CHST11: variants seen among roughly 807,000 people sequenced by gnomAD.
CHST11 encodes the protein C4S-1.
In CHST11, 9 loss-of-function variants were observed where a neutral mutation model predicts 30.4. The observed-to-expected ratio is 0.30, with a 90% CI of 0.18 to 0.52. CHST11 has a LOEUF of 0.52. Among genes scored for constraint, CHST11 ranks in the 20% least tolerant of loss-of-function variants. CHST11 has a pLI of 0.97. For synonymous variants in CHST11, 152 were observed against 187.8 expected (o/e 0.81, Z 1.56); for missense variants, 348 against 460.6 (o/e 0.76, Z 2.24).
Position 104,464,754 on chromosome 12 carries a change from C to G in CHST11, c.118+7225C>G, listed in dbSNP as rs1455826597. On this transcript the variant is annotated intron_variant, in intron 1 of 2. Transcript: ENST00000303694. Reference sequence around the variant, plus strand: ...TTGACTGAGCTTGTAGTGGGAAATTCGTAATATCTTCAGGGTGCAATCGGT... The same window carrying G: ...TTGACTGAGCTTGTAGTGGGAAATTGGTAATATCTTCAGGGTGCAATCGGT... Among the ~76,000 whole-genome samples, 3 of 152,058 alleles carry G rather than the reference C, an allele frequency of 2.0e-5. No individual in the cohort carries two copies. The East Asian group carries it at 5.8e-4, about 29-fold the overall frequency.
chr12:104,480,577 C>CAAAAA (rs58063092), intron 1 of CHST11, among the ~76,000 whole-genome samples: 1 of 112,662 alleles, frequency 8.9e-6, no homozygotes, highest in African/African-American at 3.4e-5. Context: ...GATTCCATCT[C>CAAAAA]AAAAAAAAAA....
chr12:104,557,040 G>C (rs2038464417), intron 1 of CHST11, among the ~76,000 whole-genome samples: 1 of 151,716 alleles, frequency 6.6e-6, no homozygotes, highest in African/African-American at 2.4e-5. Context: ...ATTGGATATT[G>C]GATTAGGGCT....
At chr12:104,741,701 T>G (rs1035505590) in intron 2 of CHST11, among the ~76,000 whole-genome samples, 8 of 152,184 alleles carry the variant, frequency 5.3e-5, no homozygotes, top group African/African-American at 1.7e-4. Flanking sequence ...GAGCCAGGCA[T>G]TTTGCACAGA....
chr12:104,654,389 A>G (rs1460937068), intron 2 of CHST11, among the ~76,000 whole-genome samples: 1 of 152,140 alleles, frequency 6.6e-6, no homozygotes, highest in Non-Finnish European at 1.5e-5. Context: ...GATTGTCTCA[A>G]CAGGATGATG....
chr12:104,610,236 A>C (rs1373287018), intron 2 of CHST11, among the ~76,000 whole-genome samples: 1 of 152,212 alleles, frequency 6.6e-6, no homozygotes, highest in Non-Finnish European at 1.5e-5. Context: ...AATGGTTGCT[A>C]AATAAGACCT....
chr12:104,459,928 A>G (rs1213136363), intron 1 of CHST11, among the ~76,000 whole-genome samples: 1 of 152,240 alleles, frequency 6.6e-6, no homozygotes, highest in Non-Finnish European at 1.5e-5. Context: ...GGCCTTCCTT[A>G]TTTCAGATTA....
intron 2 of CHST11, among the ~76,000 whole-genome samples, chr12:104,675,382 C>T (rs936525287): frequency 1.3e-5 from 2 of 152,192 alleles, no homozygotes; most frequent in African/African-American, 4.8e-5. Flanking sequence ...ATTGCTTCAA[C>T]CGTAGATTTG....
intron 1 of CHST11, among the ~76,000 whole-genome samples, chr12:104,481,884 C>A (rs2037626835): frequency 7.0e-6 from 1 of 142,234 alleles, no homozygotes; most frequent in Admixed American, 7.6e-5. Flanking sequence ...GTTGCCCAGG[C>A]TGGAGTGCAA....
At chr12:104,589,633 C>T (rs1331609539) in intron 1 of CHST11, among the ~76,000 whole-genome samples, 1 of 152,086 alleles carries the variant, frequency 6.6e-6, no homozygotes, top group African/African-American at 2.4e-5. Context: ...AACAAAAAAG[C>T]AAAACTGCAG....
intron 1 of CHST11, among the ~76,000 whole-genome samples, chr12:104,474,275 T>C (rs888301526): frequency 6.6e-6 from 1 of 152,206 alleles, no homozygotes; most frequent in Non-Finnish European, 1.5e-5. Context: ...AAAATGGAAG[T>C]GCAGGTTTGA....
Position 104,580,172 on chromosome 12 carries a change from G to T in CHST11, c.119-21734G>T, listed in dbSNP as rs540504992. Among the ~76,000 whole-genome samples the T allele has an allele frequency of 5.1e-4, 78 of 152,180 alleles. 1 individual carries two copies. Among genetic ancestry groups the T allele is most frequent in the Non-Finnish European group, 4.1e-4 (28 of 68,036 alleles). On this transcript the variant is annotated intron_variant, in intron 1 of 2. Coordinates refer to ENST00000303694, the MANE Select transcript of CHST11 (RefSeq NM_018413.6). ...TTTGTGACTTTCCCCCTACATTTGG[G>T]GAATGGGGGATAGAATATCTTTTGT...
At chr12:104,670,579 TCA>T (rs1478840369) in intron 2 of CHST11, among the ~76,000 whole-genome samples, 1 of 138,886 alleles carries the variant, frequency 7.2e-6, no homozygotes, top group African/African-American at 2.8e-5. Context: ...ACACATGCAC[TCA>T]CACTCATACA....
chr12:104,691,490 T>A (rs2039896080), intron 2 of CHST11, among the ~76,000 whole-genome samples: 1 of 92,278 alleles, frequency 1.1e-5, no homozygotes, highest in Admixed American at 9.2e-5. Context: ...AGAGGCACAA[T>A]TTTTTTTTTT....
chr12:104,513,255 G>T (rs1390872932), intron 1 of CHST11, among the ~76,000 whole-genome samples: 1 of 151,784 alleles, frequency 6.6e-6, no homozygotes, highest in African/African-American at 2.4e-5. Flanking sequence ...TACACAGAGA[G>T]AATACTGGTT....
At chr12:104,461,319 C>T (rs1593945950) in intron 1 of CHST11, among the ~76,000 whole-genome samples, 1 of 152,330 alleles carries the variant, frequency 6.6e-6, no homozygotes, top group Non-Finnish European at 1.5e-5. Flanking sequence ...CAGACACCTT[C>T]TATGGCCGTG....
chr12:104,714,576 T>C (rs1405155156), intron 2 of CHST11, among the ~76,000 whole-genome samples: 1 of 150,594 alleles, frequency 6.6e-6, no homozygotes, highest in African/African-American at 2.5e-5. Context: ...ATGATGATGA[T>C]GGTGACGGTG....
intron 2 of CHST11, among the ~76,000 whole-genome samples, chr12:104,649,175 G>A (rs747077402): frequency 1.2e-4 from 18 of 151,970 alleles, no homozygotes; most frequent in Non-Finnish European, 2.5e-4. Context: ...TGAGGGAATG[G>A]GAAAGCCAAC....
At chr12:104,474,573 C>T (rs868337795) in intron 1 of CHST11, among the ~76,000 whole-genome samples, 3 of 152,194 alleles carry the variant, frequency 2.0e-5, no homozygotes, top group African/African-American at 7.2e-5. Context: ...TAGTAAGTGC[C>T]TTCCTGCAAA....
chr12:104,650,566 C>T (rs940669938), intron 2 of CHST11, among the ~76,000 whole-genome samples: 1 of 151,552 alleles, frequency 6.6e-6, no homozygotes, highest in African/African-American at 2.4e-5. Context: ...ACTTTGGAGA[C>T]GCGGGCACAG....
Sources: gnomAD v4.1 joint callset for allele counts (sites outside exome capture counted in the v4.1 genomes callset) on GRCh38, gnomAD v4.1.1 for gene constraint, MANE v1.5 for transcripts, NCBI Gene and HGNC (gene_info 2026-07-23, HGNC 2026-07-21) for gene names.